CDH12: variants seen among roughly 807,000 people sequenced by gnomAD.
The protein encoded by CDH12 is cadherin 12, also known as cadherin-12.
CDH12 carries 41 observed loss-of-function variants against 74.1 expected under a neutral mutation model. That is an observed-to-expected ratio of 0.55 (90% CI 0.43 to 0.72). The LOEUF is 0.72. Among genes scored for constraint, CDH12 ranks in the 30% least tolerant of loss-of-function variants. The pLI, the probability that CDH12 is intolerant of heterozygous loss-of-function variation, is 0.00. For missense variants in CDH12, 945 were observed against 977.2 expected, an observed-to-expected ratio of 0.97 and a Z score of 0.44; for synonymous variants, 399 against 355.0, an observed-to-expected ratio of 1.12 and a Z score of -1.39.
intron 1 of CDH12, among the ~76,000 whole-genome samples, chr5:22,794,881 A>G (rs2126396266): frequency 6.6e-6 from 1 of 152,304 alleles, no homozygotes; most frequent in South Asian, 2.1e-4. Context: ...ACAGATTCAA[A>G]GTAAGAGAGG....
At chr5:22,646,197 A>C (rs1739424110) in intron 1 of CDH12, among the ~76,000 whole-genome samples, 1 of 151,888 alleles carries the variant, frequency 6.6e-6, no homozygotes, top group Non-Finnish European at 1.5e-5. Context: ...AAATATAATG[A>C]ATTACAGAAG....
chr5:22,306,539 C>T (rs1460853980), intron 3 of CDH12, among the ~76,000 whole-genome samples: 1 of 152,206 alleles, frequency 6.6e-6, no homozygotes, highest in East Asian at 1.9e-4. Context: ...ATTTACTTTA[C>T]TTTTCTGAGT....
intron 1 of CDH12, among the ~76,000 whole-genome samples, chr5:22,706,037 G>A (rs1580908219): frequency 6.6e-6 from 1 of 152,060 alleles, no homozygotes; most frequent in East Asian, 1.9e-4. Context: ...AGGTTTCAGA[G>A]AGTGAGTAAA....
At chr5:21,762,701 G>T (rs1441514786) in intron 12 of CDH12, among the ~76,000 whole-genome samples, 1 of 151,940 alleles carries the variant, frequency 6.6e-6, no homozygotes, top group African/African-American at 2.4e-5. Context: ...AAATAACATT[G>T]ATTTCAACTA....
intron 5 of CDH12, among the ~76,000 whole-genome samples, chr5:22,028,954 G>A (rs1206264758): frequency 2.6e-5 from 4 of 151,934 alleles, no homozygotes; most frequent in East Asian, 1.9e-4. Context: ...CAGAAATAAC[G>A]CCACATATCT....
intron 6 of CDH12, among the ~76,000 whole-genome samples, chr5:21,856,110 ATAT>A (rs1750742503): frequency 1.3e-5 from 2 of 151,690 alleles, no homozygotes; most frequent in East Asian, 3.9e-4. Flanking sequence ...GTGAAGACTA[ATAT>A]TATCCATCAT....
At chr5:22,073,398 A>G (rs1742089186) in intron 5 of CDH12, among the ~76,000 whole-genome samples, 1 of 152,138 alleles carries the variant, frequency 6.6e-6, no homozygotes, top group East Asian at 1.9e-4. Context: ...ACTTAGTACC[A>G]CACAGATACA....
intron 3 of CDH12, among the ~76,000 whole-genome samples, chr5:22,380,886 C>T (rs192513496): frequency 6.6e-6 from 1 of 152,150 alleles, no homozygotes; most frequent in Non-Finnish European, 1.5e-5. Context: ...TGGCTTACTG[C>T]CTTGAACAAC....
chr5:21,951,778 G>A (rs1159514192), intron 6 of CDH12, among the ~76,000 whole-genome samples: 2 of 152,158 alleles, frequency 1.3e-5, no homozygotes, highest in Admixed American at 1.3e-4. Context: ...GCAAATAAAG[G>A]TGCATTTTAG....
intron 1 of CDH12, among the ~76,000 whole-genome samples, chr5:22,742,275 A>G (rs2127019657): frequency 6.6e-6 from 1 of 152,200 alleles, no homozygotes; most frequent in African/African-American, 2.4e-5. Context: ...CAAGAAGAAA[A>G]ACAAGAACAA....
chr5:22,140,126 C>T (rs537671360), intron 4 of CDH12, among the ~76,000 whole-genome samples: 1 of 152,166 alleles, frequency 6.6e-6, no homozygotes, highest in Non-Finnish European at 1.5e-5. Flanking sequence ...CATAGAAAAT[C>T]AAGTCTTAAA....
intron 1 of CDH12, among the ~76,000 whole-genome samples, chr5:22,767,549 G>C (rs568109357): frequency 6.6e-6 from 1 of 151,790 alleles, no homozygotes; most frequent in Non-Finnish European, 1.5e-5. Flanking sequence ...GAAAAGAAAG[G>C]ATGAACATTT....
intron 4 of CDH12, among the ~76,000 whole-genome samples, chr5:22,158,004 C>T (rs983429892): frequency 1.1e-4 from 16 of 151,578 alleles, no homozygotes; most frequent in Admixed American, 2.6e-4. Flanking sequence ...TGTAAATGAA[C>T]GTATTATTAC....
At chr5:22,499,472 G>A (rs957978769) in intron 2 of CDH12, among the ~76,000 whole-genome samples, 1 of 152,118 alleles carries the variant, frequency 6.6e-6, no homozygotes, top group African/African-American at 2.4e-5. Flanking sequence ...ATGCAGCACA[G>A]TCTTGTTAGA....
chr5:22,680,341 G>A (rs180835232), intron 1 of CDH12, among the ~76,000 whole-genome samples: 1 of 152,184 alleles, frequency 6.6e-6, no homozygotes, highest in Non-Finnish European at 1.5e-5. Flanking sequence ...GACTCAGGGA[G>A]TGCAAAAGAA....
intron 6 of CDH12, among the ~76,000 whole-genome samples, chr5:21,887,963 A>G (rs1752717105): frequency 6.6e-6 from 1 of 151,754 alleles, no homozygotes; most frequent in South Asian, 2.1e-4. Context: ...TTCCATTAGC[A>G]CTAATTAACG....
At chr5:21,906,782 C>G (rs776836725) in intron 6 of CDH12, among the ~76,000 whole-genome samples, 22 of 152,188 alleles carry the variant, frequency 1.4e-4, no homozygotes, top group South Asian at 2.1e-4. Context: ...CCTGCCCTCT[C>G]CAGCTGCCTT....
chr5:21,868,877 G>A (rs896831842), intron 6 of CDH12, among the ~76,000 whole-genome samples: 4 of 152,134 alleles, frequency 2.6e-5, no homozygotes, highest in Non-Finnish European at 5.9e-5. Context: ...GCATTTGATT[G>A]TGAAAAGGAC....
intron 8 of CDH12, among the ~76,000 whole-genome samples, chr5:21,834,207 C>T (rs772466509): frequency 2.3e-4 from 34 of 150,954 alleles, no homozygotes; most frequent in South Asian, 1.5e-3. Context: ...ATGTTTCCAC[C>T]GAAGTGAGAG....
Sources: allele counts gnomAD v4.1 joint callset (sites outside exome capture counted in the v4.1 genomes callset), GRCh38; gene constraint gnomAD v4.1.1; transcripts MANE v1.5; gene names NCBI Gene and HGNC (gene_info 2026-07-23, HGNC 2026-07-21).